HTRA1: variants seen among roughly 807,000 people sequenced by gnomAD.
HTRA1 encodes HtrA serine peptidase 1.
Under a neutral mutation model 49.7 loss-of-function variants are expected in HTRA1, and 26 were observed. That is an observed-to-expected ratio of 0.52 (90% confidence interval 0.38 to 0.73). HTRA1 has a LOEUF of 0.73. Ranked by LOEUF, HTRA1 falls within the 30% of genes least tolerant of loss-of-function variation. The pLI, the probability that HTRA1 is intolerant of heterozygous loss-of-function variation, is 0.00. For missense variants in HTRA1, 561 were observed against 667.2 expected (o/e 0.84, Z 1.75); for synonymous variants, 291 against 286.9 (o/e 1.01, Z -0.14).
At chr10:122,478,599 A>G (rs2097489677) in intron 1 of HTRA1, among the ~76,000 whole-genome samples, 1 of 151,956 alleles carries the variant, frequency 6.6e-6, no homozygotes, top group Admixed American at 6.6e-5. Flanking sequence ...TCACCGTGTT[A>G]GCCAGGATGG....
chr10:122,484,079 A>ACGG (rs1434390102), intron 1 of HTRA1, among the ~76,000 whole-genome samples: 1 of 152,120 alleles, frequency 6.6e-6, no homozygotes, highest in Non-Finnish European at 1.5e-5. Flanking sequence ...CCATTACTGA[A>ACGG]CGGCAGCCAG....
intron 1 of HTRA1, among the ~76,000 whole-genome samples, chr10:122,482,111 TA>T (rs755401577): frequency 1.2e-4 from 18 of 152,162 alleles, no homozygotes; most frequent in Non-Finnish European, 2.2e-4. Context: ...AACAATTTGA[TA>T]AGTATTTGTG....
At chr10:122,492,935 C>T (rs2097496631) in intron 3 of HTRA1, among the ~76,000 whole-genome samples, 1 of 152,126 alleles carries the variant, frequency 6.6e-6, no homozygotes, top group South Asian at 2.1e-4. Context: ...TGTTGAGCCC[C>T]CAGCACTGCC....
chr10:122,467,438 G>A (rs550006354), intron 1 of HTRA1, among the ~76,000 whole-genome samples: 46 of 152,318 alleles, frequency 3.0e-4, no homozygotes, highest in African/African-American at 1.1e-3. Context: ...AAGAAAACAA[G>A]TCTTTGAGGA....
At chr10:122,498,944 A>G (rs966799004) in intron 3 of HTRA1, among the ~76,000 whole-genome samples, 5 of 151,894 alleles carry the variant, frequency 3.3e-5, no homozygotes, top group African/African-American at 1.2e-4. Context: ...CCCTGTCTCT[A>G]TGCAGGGGTC....
intron 3 of HTRA1, among the ~76,000 whole-genome samples, chr10:122,493,985 T>G (rs1176972239): frequency 2.0e-5 from 3 of 152,102 alleles, no homozygotes; most frequent in Non-Finnish European, 4.4e-5. Context: ...GCAGCCAACC[T>G]TCCTGTCCTT....
Position 122,461,998 on chromosome 10 carries a change from G to A in HTRA1, c.346G>A (p.Glu116Lys), listed in dbSNP as rs956105793. ...CGGCCTCTGTGTGTGCGCCAGCAGC[G>A]AGCCGGTGTGCGGCAGCGACGCCAA... is the stretch of plus-strand genomic sequence containing the variant. ...QAGLCVCASS[E>K]PVCGSDANTY... Residue 116 changes from glutamate to lysine, a missense_variant, in exon 1 of 9, where the codon GAG (glutamate) becomes AAG (lysine). Coordinates refer to ENST00000368984, the MANE Select transcript of HTRA1 (RefSeq NM_002775.5). 9.8e-6 allele frequency: 15 copies of A among 1,527,472 alleles called. No homozygotes were observed. Among genetic ancestry groups the A allele is most frequent in the African/African-American group, 1.4e-5 (1 of 71,974 alleles). The allele number at this position is 1,527,472 out of a possible 1,614,324, so 94.6% of individuals were successfully genotyped here.
intron 1 of HTRA1, among the ~76,000 whole-genome samples, 162 bp downstream of exon 1, chr10:122,462,286 G>A (rs376186836): frequency 1.3e-5 from 2 of 152,234 alleles, no homozygotes; most frequent in South Asian, 2.1e-4. Context: ...GGATTTCCGC[G>A]GGCTGCCTCG....
At chr10:122,497,814 T>TGGCCACATGCTGTTGTAGCA (rs1316849279) in intron 3 of HTRA1, among the ~76,000 whole-genome samples, 3 of 152,242 alleles carry the variant, frequency 2.0e-5, no homozygotes, top group Admixed American at 2.0e-4. Flanking sequence ...GCATCTGCCA[T>TGGCCACATGCTGTTGTAGCA]GGCCACATGC....
chr10:122,495,004 TG>T (rs2097497971), intron 3 of HTRA1, among the ~76,000 whole-genome samples: 1 of 151,776 alleles, frequency 6.6e-6, no homozygotes, highest in South Asian at 2.1e-4. Flanking sequence ...GGGAGTGGAC[TG>T]GGGTGGTGCT....
chr10:122,467,166 G>A (rs901685232), intron 1 of HTRA1, among the ~76,000 whole-genome samples: 1 of 152,228 alleles, frequency 6.6e-6, no homozygotes, highest in African/African-American at 2.4e-5. Flanking sequence ...TCAGAAATCA[G>A]ACTTTCCATG....
chr10:122,474,331 G>A (rs374768881), intron 1 of HTRA1, among the ~76,000 whole-genome samples: 13 of 152,128 alleles, frequency 8.5e-5, no homozygotes, highest in East Asian at 3.9e-4. Flanking sequence ...TCCTTCTGGC[G>A]TCTGTCTCTG....
chr10:122,471,619 C>CT (rs1187328179), intron 1 of HTRA1, among the ~76,000 whole-genome samples: 1 of 152,170 alleles, frequency 6.6e-6, no homozygotes, highest in Non-Finnish European at 1.5e-5. Context: ...GTGAAGGGTC[C>CT]TGGCAGGTCC....
At position 122,464,759 on chromosome 10, in the gene HTRA1, C is replaced by T. The variant is rs555675065; in HGVS notation, c.472+2635C>T. Among the ~76,000 whole-genome samples, 13 of 152,306 alleles carry T rather than the reference C, an allele frequency of 8.5e-5. No individual in the cohort carries two copies. The highest frequency in any genetic ancestry group is 3.9e-4 in the East Asian group (2 of 5,172). On this transcript the variant is annotated intron_variant, in intron 1 of 8. Transcript: ENST00000368984. This position sits in a 1 kb window ranked among gnomAD's most constrained non-coding sequence, Gnocchi z 4.8. The stretch of plus-strand genomic sequence containing the variant: ...TCCAGGACTCAACAGCTGGTGCCCA[C>T]GGGCAGGTCACTTGACGTCACTGTT...
intron 1 of HTRA1, among the ~76,000 whole-genome samples, chr10:122,479,924 G>T (rs975618488): frequency 1.3e-5 from 2 of 152,182 alleles, no homozygotes; most frequent in Non-Finnish European, 2.9e-5. Context: ...AGCTTCAGAA[G>T]CTTGAGAAGA....
chr10:122,501,984 T>G (rs2097501080), intron 3 of HTRA1, among the ~76,000 whole-genome samples: 2 of 129,802 alleles, frequency 1.5e-5, no homozygotes, highest in East Asian at 2.3e-4. Flanking sequence ...TTTTTTTTTT[T>G]TTTTTTTTTT....
At chr10:122,470,226 C>A (rs1373496580) in intron 1 of HTRA1, among the ~76,000 whole-genome samples, 3 of 152,270 alleles carry the variant, frequency 2.0e-5, no homozygotes, top group Admixed American at 1.3e-4. Flanking sequence ...CATGATGAAC[C>A]ACTAGAGTTA....
At chr10:122,492,456 C>T (rs1202126833) in intron 3 of HTRA1, among the ~76,000 whole-genome samples, 1 of 152,202 alleles carries the variant, frequency 6.6e-6, no homozygotes, top group Non-Finnish European at 1.5e-5. Flanking sequence ...GCCTCAGCCT[C>T]CTGAGTGGCT....
chr10:122,484,086 C>T (rs565105714), intron 1 of HTRA1, among the ~76,000 whole-genome samples: 1 of 152,330 alleles, frequency 6.6e-6, no homozygotes, highest in Non-Finnish European at 1.5e-5. Context: ...TGAACGGCAG[C>T]CAGTTCCAGC....
Sources: allele counts gnomAD v4.1 joint callset (sites outside exome capture counted in the v4.1 genomes callset), GRCh38; gene constraint gnomAD v4.1.1; non-coding constraint Gnocchi (gnomAD v3.1); transcripts MANE v1.5; gene names NCBI Gene and HGNC (gene_info 2026-07-23, HGNC 2026-07-21).